Variants in ZSWIM5 observed in about 807,000 individuals in gnomAD.
ZSWIM5 encodes zinc finger SWIM domain-containing protein 5.
In ZSWIM5, 55 loss-of-function variants were observed where a neutral mutation model predicts 119.6. That is an observed-to-expected ratio of 0.46 (90% CI 0.37 to 0.58). ZSWIM5 has a LOEUF of 0.58. Among genes scored for constraint, ZSWIM5 ranks in the 20% least tolerant of loss-of-function variants. ZSWIM5 has a pLI of 0.00. For missense variants in ZSWIM5, 1,193 were observed against 1,512.8 expected, an observed-to-expected ratio of 0.79 and a Z score of 3.51; for synonymous variants, 537 against 606.9, an observed-to-expected ratio of 0.88 and a Z score of 1.69.
At chr1:45,068,188 C>T (rs959574434) in intron 2 of ZSWIM5, among the ~76,000 whole-genome samples, 3 of 149,440 alleles carry the variant, frequency 2.0e-5, no homozygotes, top group Non-Finnish European at 3.0e-5. Context: ...CTGCAACCTC[C>T]GCCTCCAGGG....
rs867082119 is a variant in ZSWIM5, at chr1:45,044,818, T to A, written c.1433-1423A>T. Among the ~76,000 whole-genome samples the A allele has an allele frequency of 7.7e-3, 55 of 7,148 alleles. 4 individuals carry two copies. The highest frequency in any genetic ancestry group is 0.01 in the African/African-American group (20 of 1,994). 4.7% of individuals were successfully genotyped at this position (7,148 alleles called of 152,430 possible). A position where few individuals can be genotyped will look rare whatever the true frequency, so the allele number is the denominator to read the frequency against. On this transcript the variant is annotated intron_variant, in intron 5 of 13. Transcript: ENST00000359600. ...ATATATATATAAATATATATATATA[T>A]ATAAATATATATATATAAATATATA... is the stretch of plus-strand genomic sequence containing the variant.
intron 5 of ZSWIM5, among the ~76,000 whole-genome samples, chr1:45,046,468 A>C (rs552439460): frequency 6.6e-6 from 1 of 152,274 alleles, no homozygotes; most frequent in South Asian, 2.1e-4. Context: ...AAGGTTTTTA[A>C]GAGAGTTGCC....
chr1:45,163,516 C>A (rs757782944), intron 1 of ZSWIM5, among the ~76,000 whole-genome samples: 3 of 152,186 alleles, frequency 2.0e-5, no homozygotes, highest in Admixed American at 2.0e-4. Flanking sequence ...TCGGTAATAA[C>A]AAACTTCTCC....
chr1:45,114,652 T>G (rs1645536946), intron 1 of ZSWIM5, among the ~76,000 whole-genome samples: 1 of 152,120 alleles, frequency 6.6e-6, no homozygotes, highest in African/African-American at 2.4e-5. Flanking sequence ...TCTTTTTTTT[T>G]TTTTTTTAGT....
intron 1 of ZSWIM5, among the ~76,000 whole-genome samples, chr1:45,138,513 AAAAAAAAAAAAG>A (rs1645703480): frequency 6.7e-6 from 1 of 148,860 alleles, no homozygotes; most frequent in Non-Finnish European, 1.5e-5. Flanking sequence ...CTCAAAAAAA[AAAAAAAAAAAAG>A]AAAGGAAGAA....
In ZSWIM5 at chr1:45,055,405, C is replaced by T. The variant is rs150061873; in HGVS notation, c.1252+3204G>A. On this transcript the variant is annotated intron_variant, in intron 4 of 13. Transcript: ENST00000359600. ...CCTCCCAAAGTGCTAGGATTACAGG[C>T]GTGAGAAACCGTGCCTGGCCATTGA... 2.1e-3 allele frequency among the ~76,000 whole-genome samples: 326 copies of T among 152,218 alleles called. 1 individual carries two copies. The highest frequency in any genetic ancestry group is 9.3e-3 in the South Asian group (45 of 4,824).
At chr1:45,154,134 GGATGGGTA>G (rs1477192695) in intron 1 of ZSWIM5, among the ~76,000 whole-genome samples, 2 of 152,218 alleles carry the variant, frequency 1.3e-5, no homozygotes, top group East Asian at 3.9e-4. Context: ...CCATGTTCAT[GGATGGGTA>G]GAATCAATAT....
chr1:45,179,950 G>A (rs111580133), intron 1 of ZSWIM5, among the ~76,000 whole-genome samples: 104 of 152,258 alleles, frequency 6.8e-4, no homozygotes, highest in Middle Eastern at 6.8e-3. Context: ...GTATAGGGAG[G>A]AGCCAAGATG....
At chr1:45,162,488 A>C (rs1345000396) in intron 1 of ZSWIM5, among the ~76,000 whole-genome samples, 2 of 152,258 alleles carry the variant, frequency 1.3e-5, no homozygotes, top group Non-Finnish European at 2.9e-5. Context: ...CAGTGGGTGC[A>C]GCCCATGGAC....
intron 1 of ZSWIM5, among the ~76,000 whole-genome samples, chr1:45,115,490 T>G (rs1645549013): frequency 7.2e-6 from 1 of 139,700 alleles, no homozygotes; most frequent in Non-Finnish European, 1.5e-5. Flanking sequence ...CACTCCTCAG[T>G]TCCCAGACGG....
intron 1 of ZSWIM5, among the ~76,000 whole-genome samples, chr1:45,188,719 CG>C (rs1646073984): frequency 6.6e-6 from 1 of 152,092 alleles, no homozygotes; most frequent in African/African-American, 2.4e-5. Context: ...GCAGCCTAGA[CG>C]TCAAAACAGA....
At chr1:45,070,203 G>T (rs746430160) in intron 2 of ZSWIM5, 27 of 1,425,374 alleles carry the variant, frequency 1.9e-5, no homozygotes, top group Non-Finnish European at 2.4e-5. Context: ...TACTTTGTAG[G>T]CCAAGAAAGC....
chr1:45,063,648 C>T (rs1008964138), intron 2 of ZSWIM5, among the ~76,000 whole-genome samples: 7 of 152,114 alleles, frequency 4.6e-5, no homozygotes, highest in Admixed American at 1.3e-4. Context: ...AAAACCCAAC[C>T]GTTCTCATTG....
At chr1:45,091,653 T>C (rs1389378295) in intron 1 of ZSWIM5, among the ~76,000 whole-genome samples, 1 of 151,914 alleles carries the variant, frequency 6.6e-6, no homozygotes, top group Non-Finnish European at 1.5e-5. Context: ...CAGAGCAAGA[T>C]TCTGTCTCAA....
At chr1:45,188,121 G>A (rs180974124) in intron 1 of ZSWIM5, among the ~76,000 whole-genome samples, 4 of 152,200 alleles carry the variant, frequency 2.6e-5, no homozygotes, top group East Asian at 1.9e-4. Context: ...ATGAAAACAC[G>A]TATCCACACA....
chr1:45,024,220 C>T (rs1344322293), intron 11 of ZSWIM5, among the ~76,000 whole-genome samples: 3 of 132,612 alleles, frequency 2.3e-5, no homozygotes, highest in South Asian at 2.4e-4. Flanking sequence ...GACGGAGTCT[C>T]GGTCTTGTCG....
intron 5 of ZSWIM5, among the ~76,000 whole-genome samples, chr1:45,046,698 T>C (rs1645056978): frequency 6.6e-6 from 1 of 151,460 alleles, no homozygotes; most frequent in African/African-American, 2.4e-5. Context: ...TGTAAATGAT[T>C]ACTAAAACAA....
intron 1 of ZSWIM5, among the ~76,000 whole-genome samples, chr1:45,199,179 T>C (rs973684505): frequency 2.6e-5 from 4 of 152,196 alleles, no homozygotes; most frequent in African/African-American, 9.6e-5. Flanking sequence ...AGGTATTTCC[T>C]TGAATTTTAA....
chr1:45,065,521 A>T (rs1049159221), intron 2 of ZSWIM5, among the ~76,000 whole-genome samples: 10 of 152,222 alleles, frequency 6.6e-5, no homozygotes, highest in African/African-American at 2.4e-4. Flanking sequence ...ATAAATACCT[A>T]GTGTATATCT....
Sources: allele counts gnomAD v4.1 joint callset (sites outside exome capture counted in the v4.1 genomes callset), GRCh38; gene constraint gnomAD v4.1.1; transcripts MANE v1.5; gene names NCBI Gene and HGNC (gene_info 2026-07-23, HGNC 2026-07-21).